Variants in TCF20 observed in about 807,000 individuals in gnomAD.
TCF20 encodes the protein SPRE-binding protein.
TCF20 carries 3 observed loss-of-function variants against 148.6 expected under a neutral mutation model. The ratio of observed to expected loss-of-function variants is 0.02; its 90% confidence interval spans 0.01 to 0.05. The LOEUF is 0.05. Ranked by LOEUF, TCF20 falls within the 10% of genes least tolerant of loss-of-function variation. The pLI, the probability that TCF20 is intolerant of heterozygous loss-of-function variation, is 1.00. For synonymous variants in TCF20, 1,049 were observed against 909.5 expected (o/e 1.15, Z -2.76); for missense variants, 2,350 against 2,429.3 (o/e 0.97, Z 0.69).
At chr22:42,180,392 G>A (rs751514667) in intron 2 of TCF20, among the ~76,000 whole-genome samples, 3 of 152,142 alleles carry the variant, frequency 2.0e-5, no homozygotes, top group Non-Finnish European at 2.9e-5. Context: ...ATATGGTCAG[G>A]TTTTCTTAAA....
chr22:42,251,877 G>C (rs1166921047), intron 1 of TCF20, among the ~76,000 whole-genome samples: 1 of 151,758 alleles, frequency 6.6e-6, no homozygotes, highest in African/African-American at 2.4e-5. Flanking sequence ...CGATATTTTG[G>C]GATTTCAGTA....
chr22:42,247,371 C>T (rs566693812), intron 1 of TCF20, among the ~76,000 whole-genome samples: 2 of 143,808 alleles, frequency 1.4e-5, no homozygotes, highest in African/African-American at 5.3e-5. Context: ...ACCCGGGAGG[C>T]GGAGCTTGCA....
chr22:42,197,376 G>A (rs989906085), intron 2 of TCF20, among the ~76,000 whole-genome samples: 64 of 151,074 alleles, frequency 4.2e-4, no homozygotes, highest in African/African-American at 1.5e-3. Context: ...AGGCTGGAGG[G>A]CAGTGGCGCG....
intron 2 of TCF20, among the ~76,000 whole-genome samples, chr22:42,183,888 C>T (rs1469296335): frequency 6.6e-6 from 1 of 151,942 alleles, no homozygotes; most frequent in Admixed American, 6.6e-5. Flanking sequence ...CCTGCCTCAG[C>T]CTCCCGAGTA....
At chr22:42,171,445 A>T (rs9607882) in intron 3 of TCF20, among the ~76,000 whole-genome samples, 1 of 152,010 alleles carries the variant, frequency 6.6e-6, no homozygotes, top group Non-Finnish European at 1.5e-5. Context: ...AACAAATCAA[A>T]AAGACCCTTT....
intron 1 of TCF20, among the ~76,000 whole-genome samples, chr22:42,217,296 C>T (rs542584373): frequency 2.6e-5 from 4 of 152,296 alleles, no homozygotes; most frequent in Non-Finnish European, 4.4e-5. Flanking sequence ...CTCACCTGCA[C>T]GTTCTTCTCC....
intron 3 of TCF20, 88 bp downstream of exon 3, chr22:42,179,521 A>AT: frequency 2.2e-6 from 2 of 894,270 alleles, no homozygotes; most frequent in Non-Finnish European, 3.3e-6. Context: ...AGAAAAGAAA[A>AT]GAAAAAAAAC....
intron 1 of TCF20, among the ~76,000 whole-genome samples, chr22:42,327,663 T>C (rs981290263): frequency 1.4e-4 from 22 of 151,810 alleles, no homozygotes; most frequent in African/African-American, 4.8e-4. Context: ...GCACCCTCCT[T>C]ACCCGAGACT....
In TCF20 at chr22:42,292,574, T is replaced by C. The variant is rs1056620963; in HGVS notation, c.-37+50905A>G. Among the ~76,000 whole-genome samples the C allele has an allele frequency of 1.3e-5, 2 of 152,112 alleles. No individual in the cohort carries two copies. Among genetic ancestry groups the C allele is most frequent in the African/African-American group, 4.8e-5 (2 of 41,408 alleles). ...ACTGTAACCAAGGTAGGTTGTGAGA[T>C]GCCAGAAGAGTGGGCAGCACGGTGG... On this transcript the variant is annotated intron_variant, in intron 1 of 1. Coordinates refer to the TCF20 transcript ENST00000515426. The surrounding 1 kb of genome is among the most constrained non-coding windows in gnomAD (Gnocchi z 4.9).
chr22:42,241,669 G>A (rs1053081116), intron 1 of TCF20, among the ~76,000 whole-genome samples: 18 of 152,092 alleles, frequency 1.2e-4, no homozygotes, highest in African/African-American at 4.3e-4. Context: ...TCTACTAAAA[G>A]TACAAAAATT....
At position 42,214,916 on chromosome 22, in the gene TCF20, A is replaced by G. The variant is rs764277953; in HGVS notation, c.390T>C (p.Tyr130=). 318 of 1,614,070 alleles carry G rather than the reference A, an allele frequency of 2.0e-4. 1 individual carries two copies. The highest frequency in any genetic ancestry group is 1.7e-5 in the Admixed American group (1 of 60,010). ...PPQGSSFGNQ[Y]GSEGHVGQFQ... is the part of the protein sequence containing the mutation. Reference sequence around the variant, plus strand: ...ACTGGCCCACATGACCCTCACTCCCATACTGATTGCCAAAGCTGCTCCCCT... The same window carrying G: ...ACTGGCCCACATGACCCTCACTCCCGTACTGATTGCCAAAGCTGCTCCCCT... The change falls in exon 2 of 6, where the codon TAT becomes TAC. Residue 130 remains tyrosine, a synonymous_variant. Coordinates refer to ENST00000677622, the MANE Select transcript of TCF20 (RefSeq NM_001378418.1).
At chr22:42,238,489 A>G (rs1009024767) in intron 1 of TCF20, among the ~76,000 whole-genome samples, 2 of 152,216 alleles carry the variant, frequency 1.3e-5, no homozygotes, top group Non-Finnish European at 2.9e-5. Context: ...TCTTGCATTC[A>G]TAACTTGGCC....
chr22:42,207,266 C>T (rs576935772), intron 2 of TCF20, among the ~76,000 whole-genome samples: 1 of 152,114 alleles, frequency 6.6e-6, no homozygotes, highest in East Asian at 1.9e-4. Flanking sequence ...ACAACCCTAC[C>T]ATCCTCTTCT....
Position 42,214,610 on chromosome 22 carries a change from G to A in TCF20, c.696C>T (p.Gly232=). 1 of 1,614,092 alleles carries A rather than the reference G, an allele frequency of 6.2e-7. No homozygotes were observed. Among genetic ancestry groups the A allele is most frequent in the Non-Finnish European group, 8.5e-7 (1 of 1,180,026 alleles). ...AGGAAGCAGAAGACTGATAGTGTTG[G>A]CCAAACTGACCCACTCTTAACTGGT... The part of the protein sequence containing the change: ...AGYQLRVGQF[G]QHYQSSASSS... Residue 232 remains glycine (G), a synonymous_variant, in exon 2 of 6, where the codon GGC becomes GGT. Transcript: ENST00000677622.
upstream of TCF20, among the ~76,000 whole-genome samples, chr22:42,285,612 G>A (rs1039351231): frequency 2.0e-5 from 3 of 152,012 alleles, no homozygotes; most frequent in African/African-American, 2.4e-5. This position sits in a 1 kb window ranked among gnomAD's most constrained non-coding sequence, Gnocchi z 4.2. Flanking sequence ...GTGCTCTTTG[G>A]TTTTTATTTT....
intron 1 of TCF20, among the ~76,000 whole-genome samples, chr22:42,234,188 G>A (rs913995684): frequency 2.0e-5 from 3 of 152,170 alleles, no homozygotes; most frequent in African/African-American, 7.2e-5. Flanking sequence ...CAAAAGTGCT[G>A]GCTAACAACC....
chr22:42,341,825 T>C (rs938835209), intron 1 of TCF20, among the ~76,000 whole-genome samples: 1 of 152,014 alleles, frequency 6.6e-6, no homozygotes, highest in Admixed American at 6.6e-5. Context: ...AGAGCAATAA[T>C]GGAAGGATTT....
At chr22:42,224,534 C>CAAAAAAAAAAAAAA (rs66858906) in intron 1 of TCF20, among the ~76,000 whole-genome samples, 1 of 39,566 alleles carries the variant, frequency 2.5e-5, no homozygotes, top group Non-Finnish European at 4.7e-5. Context: ...AAAGCTGGTA[C>CAAAAAAAAAAAAAA]AAAAAAAAAA....
At chr22:42,165,352 C>T (rs556872099) in intron 5 of TCF20, among the ~76,000 whole-genome samples, 7 of 152,362 alleles carry the variant, frequency 4.6e-5, no homozygotes, top group Admixed American at 4.6e-4. Flanking sequence ...AGCATTAGCC[C>T]TGATCAAGGT....
Sources: allele counts gnomAD v4.1 joint callset (sites outside exome capture counted in the v4.1 genomes callset), GRCh38; gene constraint gnomAD v4.1.1; non-coding constraint Gnocchi (gnomAD v3.1); transcripts MANE v1.5; gene names NCBI Gene and HGNC (gene_info 2026-07-23, HGNC 2026-07-21).